Variants in DIAPH2 observed in about 807,000 individuals in gnomAD.
DIAPH2 encodes the protein protein diaphanous homolog 2.
DIAPH2 carries 35 observed loss-of-function variants against 92.7 expected under a neutral mutation model. The observed-to-expected ratio is 0.38, with a 90% CI of 0.29 to 0.50. DIAPH2 has a LOEUF of 0.50. Ranked by LOEUF, DIAPH2 falls within the 20% of genes least tolerant of loss-of-function variation. The probability of loss-of-function intolerance (pLI) is 0.94; values close to 1 mark genes in which losing one functional copy is unlikely to be tolerated. For synonymous variants in DIAPH2, 301 were observed against 280.4 expected (o/e 1.07, Z -0.73); for missense variants, 701 against 819.5 (o/e 0.86, Z 1.77).
At chrX:96,829,813 A>AT (rs1422545608) in intron 4 of DIAPH2, among the ~76,000 whole-genome samples, 7 of 110,990 alleles carry the variant, frequency 6.3e-5, no homozygotes, top group African/African-American at 2.3e-4. Flanking sequence ...TGATAATGGA[A>AT]TAAAAAGTCC....
intron 23 of DIAPH2, among the ~76,000 whole-genome samples, chrX:97,340,687 G>C (rs1490020056): frequency 1.4e-4 from 14 of 97,927 alleles, no homozygotes; most frequent in Non-Finnish European, 2.8e-4. Flanking sequence ...ATGGAGCCTC[G>C]CTCTGTCGCT....
intron 26 of DIAPH2, among the ~76,000 whole-genome samples, chrX:97,572,536 C>T (rs1404668418): frequency 1.8e-5 from 2 of 111,215 alleles, no homozygotes; most frequent in African/African-American, 6.5e-5. Context: ...ACAGTTAATG[C>T]CAAAATCTAA....
At chrX:97,512,274 A>C (rs1432165482) in intron 26 of DIAPH2, among the ~76,000 whole-genome samples, 1 of 111,496 alleles carries the variant, frequency 9.0e-6, no homozygotes, top group Non-Finnish European at 1.9e-5. Context: ...CCATTTCTTC[A>C]AGATTTTCTA....
At chrX:97,524,074 C>G (rs1190746581) in intron 26 of DIAPH2, among the ~76,000 whole-genome samples, 1 of 111,580 alleles carries the variant, frequency 9.0e-6, no homozygotes, top group East Asian at 2.8e-4. Context: ...CCTTACCATA[C>G]TTTGTTTTCT....
chrX:96,855,067 A>G (rs763515788), intron 4 of DIAPH2, among the ~76,000 whole-genome samples: 1 of 110,786 alleles, frequency 9.0e-6, no homozygotes, highest in East Asian at 2.8e-4. Flanking sequence ...TACATTTTAT[A>G]TTGCTAATTT....
intron 4 of DIAPH2, among the ~76,000 whole-genome samples, chrX:96,867,401 G>A (rs760698541): frequency 1.8e-5 from 2 of 110,678 alleles, no homozygotes; most frequent in South Asian, 3.9e-4. Context: ...TGTATTTTTA[G>A]TAGAGACAGG....
chrX:97,401,856 C>T (rs1324372858), intron 25 of DIAPH2, among the ~76,000 whole-genome samples: 1 of 112,649 alleles, frequency 8.9e-6, no homozygotes, highest in Non-Finnish European at 1.9e-5. Context: ...CCAGGAGTAG[C>T]CTACTTCAGC....
At chrX:96,985,279 G>A (rs1363769508) in intron 17 of DIAPH2, among the ~76,000 whole-genome samples, 1 of 111,046 alleles carries the variant, frequency 9.0e-6, no homozygotes, top group African/African-American at 3.3e-5. Flanking sequence ...CTCCAGTAGA[G>A]TTTCTAGATT....
At chrX:96,968,358 A>G (rs1200511363) in intron 17 of DIAPH2, among the ~76,000 whole-genome samples, 1 of 110,642 alleles carries the variant, frequency 9.0e-6, no homozygotes, top group Non-Finnish European at 1.9e-5. Flanking sequence ...AGCTGGGATT[A>G]CAGGTGCCCG....
rs768714362 is a variant in DIAPH2, at chrX:97,413,444, A to G, written c.3146-16206A>G. On this transcript the variant is annotated intron_variant, in intron 25 of 26. Transcript: ENST00000324765. ...GCTATTTATGACAAACCCACAGCCA[A>G]CATCATACTGAATGGGCAAACTGGA... Among the ~76,000 whole-genome samples the G allele has an allele frequency of 2.4e-4, 27 of 111,593 alleles. 1 individual carries two copies. In the East Asian group the frequency reaches 4.5e-3, roughly 19 times the overall value.
chrX:97,446,090 TGG>T (rs2070307830), intron 26 of DIAPH2, among the ~76,000 whole-genome samples: 1 of 110,908 alleles, frequency 9.0e-6, no homozygotes, highest in East Asian at 2.8e-4. Flanking sequence ...TCATCACCAC[TGG>T]AATTTACAAG....
chrX:97,283,062 T>C (rs1397825537), intron 23 of DIAPH2, among the ~76,000 whole-genome samples: 1 of 111,817 alleles, frequency 8.9e-6, no homozygotes, highest in Non-Finnish European at 1.9e-5. Flanking sequence ...AGATCCACTT[T>C]AGAGGTACTG....
chrX:97,268,411 G>A, intron 23 of DIAPH2, among the ~76,000 whole-genome samples: 1 of 112,411 alleles, frequency 8.9e-6, no homozygotes. Flanking sequence ...TCCTGAAGAA[G>A]ACTTGTGTCA....
Position 96,863,843 on chromosome X carries a change from CT to C in DIAPH2, c.448-17734del, listed in dbSNP as rs752257372. The stretch of plus-strand genomic sequence containing the variant: ...TTGGGAGGCCAAGGCGGGCAGACTA[CT>C]TGAGCCCAGAAGTTCGAGATCAGCC... On this transcript the variant is annotated intron_variant, in intron 4 of 26. Coordinates refer to ENST00000324765, the MANE Select transcript of DIAPH2 (RefSeq NM_006729.5). Among the ~76,000 whole-genome samples the C allele has an allele frequency of 6.0e-3, 671 of 111,683 alleles. 11 individuals carry two copies. Among genetic ancestry groups the C allele is most frequent in the African/African-American group, 0.021 (636 of 30,723 alleles).
chrX:97,085,674 C>T (rs1476895017), intron 19 of DIAPH2, among the ~76,000 whole-genome samples: 5 of 111,483 alleles, frequency 4.5e-5, no homozygotes, highest in Non-Finnish European at 7.5e-5. Context: ...GCCTCGGCCT[C>T]CCAAAGTGCT....
In DIAPH2 at chrX:97,255,052, A is replaced by G. The variant is rs144503820; in HGVS notation, c.2844+7213A>G. 9.9e-3 allele frequency among the ~76,000 whole-genome samples: 1,102 copies of G among 111,595 alleles called. 11 individuals are homozygous for G. The highest frequency in any genetic ancestry group is 0.034 in the African/African-American group (1,058 of 30,725). ...AAATTGAGGCTATAGAGGTTCAACC[A>G]TGTACAGGAGATCACATAGGTAATA... On this transcript the variant is annotated intron_variant, in intron 23 of 26. Transcript: ENST00000324765.
intron 21 of DIAPH2, among the ~76,000 whole-genome samples, chrX:97,124,680 A>G (rs1050579472): frequency 9.0e-6 from 1 of 110,962 alleles, no homozygotes; most frequent in African/African-American, 3.3e-5. Flanking sequence ...GTTGCCTATT[A>G]CACACACACA....
chrX:97,459,223 A>G (rs12008065), intron 26 of DIAPH2, among the ~76,000 whole-genome samples: 2,962 of 111,907 alleles, frequency 0.026, 63 homozygotes, highest in South Asian at 0.044. Flanking sequence ...CATGTTGTAA[A>G]GATGCTTGTC....
intron 22 of DIAPH2, among the ~76,000 whole-genome samples, chrX:97,186,633 G>T (rs370520135): frequency 8.9e-6 from 1 of 112,310 alleles, no homozygotes; most frequent in East Asian, 2.8e-4. Flanking sequence ...AGAGTTGGGA[G>T]TGCTTCATTT....
Sources: gnomAD v4.1 joint callset for allele counts (sites outside exome capture counted in the v4.1 genomes callset) on GRCh38, gnomAD v4.1.1 for gene constraint, MANE v1.5 for transcripts, NCBI Gene and HGNC (gene_info 2026-07-23, HGNC 2026-07-21) for gene names.